Variants in STAU2 observed in about 807,000 individuals in gnomAD.
STAU2 encodes the protein double-stranded RNA-binding protein Staufen homolog 2.
In STAU2, 20 loss-of-function variants were observed where a neutral mutation model predicts 65.9. That is an observed-to-expected ratio of 0.30 (90% CI 0.21 to 0.44). The LOEUF is 0.44. Among genes scored for constraint, STAU2 ranks in the 20% least tolerant of loss-of-function variants. The pLI is 1.00. For synonymous variants in STAU2, 232 were observed against 233.9 expected, an observed-to-expected ratio of 0.99 and a Z score of 0.07; for missense variants, 558 against 683.9, an observed-to-expected ratio of 0.82 and a Z score of 2.05.
At chr8:73,575,695 C>G (rs1205302385) in intron 12 of STAU2, among the ~76,000 whole-genome samples, 3 of 151,804 alleles carry the variant, frequency 2.0e-5, no homozygotes, top group Non-Finnish European at 2.9e-5. Flanking sequence ...ACAGCATGTT[C>G]AAAAGGCTAG....
At chr8:73,574,229 T>C (rs1237803950) in intron 12 of STAU2, among the ~76,000 whole-genome samples, 1 of 152,158 alleles carries the variant, frequency 6.6e-6, no homozygotes, top group African/African-American at 2.4e-5. Flanking sequence ...CCAGTTAGAA[T>C]GGCGATAATT....
intron 1 of STAU2, among the ~76,000 whole-genome samples, chr8:73,746,085 C>T (rs1264192491): frequency 6.6e-6 from 1 of 152,160 alleles, no homozygotes; most frequent in African/African-American, 2.4e-5. Flanking sequence ...GCCGAGCCAT[C>T]ACGGTAGGAG....
chr8:73,688,543 T>A (rs1819112814), intron 5 of STAU2, 111 bp downstream of exon 5: 4 of 1,000,930 alleles, frequency 4.0e-6, no homozygotes, highest in Non-Finnish European at 6.1e-6. Flanking sequence ...GGTATGGGCA[T>A]ATGTGTACTA....
chr8:73,516,699 C>T (rs1206239064), intron 13 of STAU2, among the ~76,000 whole-genome samples: 3 of 152,118 alleles, frequency 2.0e-5, no homozygotes, highest in Non-Finnish European at 4.4e-5. Flanking sequence ...AAGGTTACCG[C>T]TTTTCAGTTT....
intron 13 of STAU2, among the ~76,000 whole-genome samples, chr8:73,488,362 A>G (rs2128914130): frequency 6.6e-6 from 1 of 152,194 alleles, no homozygotes; most frequent in African/African-American, 2.4e-5. Context: ...CAAATTCACC[A>G]TAAAATAGCT....
chr8:73,560,754 C>T (rs1808166560), intron 12 of STAU2, among the ~76,000 whole-genome samples: 1 of 152,090 alleles, frequency 6.6e-6, no homozygotes, highest in African/African-American at 2.4e-5. Context: ...ATACATATTC[C>T]TCAAAACACC....
Position 73,481,630 on chromosome 8 carries a change from T to C in STAU2, c.1531-58928A>G, listed in dbSNP as rs186157475. On this transcript the variant is annotated intron_variant, in intron 13 of 14. Coordinates refer to ENST00000524300, the MANE Select transcript of STAU2 (RefSeq NM_001164380.2). The stretch of plus-strand genomic sequence containing the variant: ...TTGCTCCAACCAAAGGCTAAATTGT[T>C]GTATGTTAGTTATATACTAATAACA... Among the ~76,000 whole-genome samples, 1,009 of 152,242 alleles carry C rather than the reference T, an allele frequency of 6.6e-3. 13 individuals are homozygous for C. Among genetic ancestry groups the C allele is most frequent in the Non-Finnish European group, 9.4e-3 (640 of 68,000 alleles).
chr8:73,661,123 G>A (rs1051386739), intron 6 of STAU2, among the ~76,000 whole-genome samples: 1 of 152,104 alleles, frequency 6.6e-6, no homozygotes. Flanking sequence ...TGAATTAACC[G>A]AGAATTAGAA....
intron 6 of STAU2, among the ~76,000 whole-genome samples, chr8:73,654,710 G>A (rs1245422946): frequency 6.4e-5 from 5 of 78,738 alleles, no homozygotes; most frequent in East Asian, 4.0e-4. Flanking sequence ...TTTTTGAGAC[G>A]GAGTTTCGCT....
chr8:73,473,412 C>A (rs545336903), intron 13 of STAU2, among the ~76,000 whole-genome samples: 10 of 152,148 alleles, frequency 6.6e-5, no homozygotes, highest in Non-Finnish European at 1.3e-4. Flanking sequence ...CTGTGCAATA[C>A]GGTTTTGAAA....
intron 13 of STAU2, among the ~76,000 whole-genome samples, chr8:73,538,730 G>A (rs1453699043): frequency 6.7e-6 from 1 of 150,318 alleles, no homozygotes; most frequent in Non-Finnish European, 1.5e-5. Flanking sequence ...TAGTAATGGG[G>A]ACCAAGAAAC....
chr8:73,668,748 A>G (rs577449133), intron 6 of STAU2, among the ~76,000 whole-genome samples: 3 of 131,094 alleles, frequency 2.3e-5, no homozygotes, highest in East Asian at 4.6e-4. Flanking sequence ...GGAGACAGGT[A>G]CTTCAGAATC....
At chr8:73,718,547 G>C (rs764638781) in intron 3 of STAU2, among the ~76,000 whole-genome samples, 8 of 152,186 alleles carry the variant, frequency 5.3e-5, no homozygotes, top group Non-Finnish European at 1.2e-4. Flanking sequence ...CATGTGCACT[G>C]GGTGATTCAA....
chr8:73,523,451 T>C (rs1823170924), intron 13 of STAU2, among the ~76,000 whole-genome samples: 1 of 152,078 alleles, frequency 6.6e-6, no homozygotes, highest in East Asian at 1.9e-4. Context: ...ATTATCTATA[T>C]ACAGTAAAAT....
At chr8:73,676,410 G>A (rs895281191) in intron 5 of STAU2, among the ~76,000 whole-genome samples, 2 of 152,078 alleles carry the variant, frequency 1.3e-5, no homozygotes, top group African/African-American at 2.4e-5. Context: ...CATTAAACTC[G>A]ATTCCTGACA....
intron 13 of STAU2, among the ~76,000 whole-genome samples, chr8:73,513,183 G>A (rs1191481063): frequency 6.6e-6 from 1 of 152,072 alleles, no homozygotes; most frequent in Non-Finnish European, 1.5e-5. Context: ...TCTTGCTGTG[G>A]TTTTCTTTTT....
intron 13 of STAU2, among the ~76,000 whole-genome samples, chr8:73,485,057 T>C (rs531142556): frequency 1.2e-4 from 19 of 152,034 alleles, no homozygotes; most frequent in Non-Finnish European, 1.6e-4. Flanking sequence ...TTGGATTCTA[T>C]GATGCATTCC....
At chr8:73,559,932 A>C (rs1026555654) in intron 12 of STAU2, among the ~76,000 whole-genome samples, 2 of 152,200 alleles carry the variant, frequency 1.3e-5, no homozygotes, top group Non-Finnish European at 2.9e-5. Context: ...AAAACTAAAA[A>C]GAGAAAATGT....
intron 13 of STAU2, among the ~76,000 whole-genome samples, chr8:73,467,834 G>A (rs1819743484): frequency 6.6e-6 from 1 of 152,154 alleles, no homozygotes; most frequent in African/African-American, 2.4e-5. Flanking sequence ...AACATTCCAT[G>A]CTCATGGATA....
Sources: gnomAD v4.1 joint callset for allele counts (sites outside exome capture counted in the v4.1 genomes callset) on GRCh38, gnomAD v4.1.1 for gene constraint, MANE v1.5 for transcripts, NCBI Gene and HGNC (gene_info 2026-07-23, HGNC 2026-07-21) for gene names.